Variants in SHISA6 observed in about 807,000 individuals in gnomAD.
The protein encoded by SHISA6 is protein shisa-6.
Under a neutral mutation model 47.9 loss-of-function variants are expected in SHISA6, and 22 were observed. The observed-to-expected ratio is 0.46, with a 90% confidence interval of 0.33 to 0.66. The LOEUF (loss-of-function observed/expected upper bound fraction) is 0.66. SHISA6 is among the 30% of genes least tolerant of loss of function. The probability of loss-of-function intolerance (pLI) is 0.02; values close to 1 mark genes in which losing one functional copy is unlikely to be tolerated. For missense variants in SHISA6, 680 were observed against 764.6 expected, an observed-to-expected ratio of 0.89 and a Z score of 1.30; for synonymous variants, 388 against 337.8, an observed-to-expected ratio of 1.15 and a Z score of -1.63.
At chr17:11,444,966 A>G (rs998083249) in intron 3 of SHISA6, among the ~76,000 whole-genome samples, 5 of 152,198 alleles carry the variant, frequency 3.3e-5, no homozygotes, top group South Asian at 2.1e-4. Context: ...TTATTGTACC[A>G]TGCAGATAAG....
chr17:11,364,485 T>A (rs760078786), intron 2 of SHISA6, among the ~76,000 whole-genome samples: 1 of 152,262 alleles, frequency 6.6e-6, no homozygotes, highest in Non-Finnish European at 1.5e-5. Context: ...TATTGTTACA[T>A]CTGTCACCAG....
chr17:11,371,857 GCAAATGCCTC>G (rs1417799503), intron 2 of SHISA6, among the ~76,000 whole-genome samples: 10 of 151,832 alleles, frequency 6.6e-5, no homozygotes, highest in Non-Finnish European at 1.5e-4. Flanking sequence ...AAAATCAAAG[GCAAATGCCTC>G]CCTCCCATCA....
chr17:11,269,319 C>G (rs549914157), intron 2 of SHISA6, among the ~76,000 whole-genome samples: 16 of 152,304 alleles, frequency 1.1e-4, no homozygotes, highest in African/African-American at 3.6e-4. Flanking sequence ...GGATTACAGG[C>G]GTGAACCACT....
At chr17:11,439,209 T>C (rs1372013316) in intron 3 of SHISA6, among the ~76,000 whole-genome samples, 1 of 152,122 alleles carries the variant, frequency 6.6e-6, no homozygotes, top group African/African-American at 2.4e-5. Context: ...CATTTGTGCA[T>C]TGGAGAAAAA....
At chr17:11,346,993 A>G (rs1911720496) in intron 2 of SHISA6, among the ~76,000 whole-genome samples, 1 of 152,236 alleles carries the variant, frequency 6.6e-6, no homozygotes, top group Admixed American at 6.5e-5. Context: ...TTATAGGCAC[A>G]GTATCATGTT....
intron 4 of SHISA6, among the ~76,000 whole-genome samples, chr17:11,553,406 G>A (rs1031557877): frequency 1.3e-5 from 2 of 152,168 alleles, no homozygotes; most frequent in Admixed American, 6.5e-5. Context: ...TCCTGAGAAG[G>A]AGCCAACACA....
At chr17:11,495,993 T>TCATCCATC (rs10642001) in intron 3 of SHISA6, among the ~76,000 whole-genome samples, 21,663 of 148,738 alleles carry the variant, frequency 0.15, 1,673 homozygotes, top group Middle Eastern at 0.16. Flanking sequence ...ATTTATCCAT[T>TCATCCATC]CATCCATCCA....
intron 3 of SHISA6, among the ~76,000 whole-genome samples, chr17:11,518,107 C>T (rs540852524): frequency 6.6e-6 from 1 of 152,202 alleles, no homozygotes; most frequent in South Asian, 2.1e-4. Context: ...GCAGAGGTGG[C>T]GTGGTGCCGT....
rs1341278161 is a variant in SHISA6, at chr17:11,241,713, C to T, written c.291C>T (p.Tyr97=). 6.5e-7 allele frequency: 1 copy of T among 1,539,688 alleles called. No individual in the cohort carries two copies. Among genetic ancestry groups the T allele is most frequent in the Non-Finnish European group, 8.7e-7 (1 of 1,146,716 alleles). The change falls in exon 1 of 6, where the codon TAC becomes TAT. Residue 97 remains tyrosine (Y), a synonymous_variant. Coordinates refer to ENST00000441885, the MANE Select transcript of SHISA6 (RefSeq NM_207386.4). This position sits in a 1 kb window ranked among gnomAD's most constrained non-coding sequence, Gnocchi z 5.5. ...TCACCTACGAGACGTGCTGGGGCTA[C>T]TACGACGTGAGCGGCCAGTACGACA... ...AAVTYETCWG[Y]YDVSGQYDKE...
intron 2 of SHISA6, among the ~76,000 whole-genome samples, chr17:11,271,389 G>T (rs1908648132): frequency 6.6e-6 from 1 of 152,084 alleles, no homozygotes; most frequent in Non-Finnish European, 1.5e-5. Flanking sequence ...GACAAACTCG[G>T]GATTCAACAT....
At chr17:11,504,007 C>T (rs529536387) in intron 3 of SHISA6, among the ~76,000 whole-genome samples, 1 of 152,102 alleles carries the variant, frequency 6.6e-6, no homozygotes, top group Non-Finnish European at 1.5e-5. Context: ...TGCCTTCTGG[C>T]GATTTTTAAA....
At chr17:11,381,773 C>T (rs760178777) in intron 3 of SHISA6, among the ~76,000 whole-genome samples, 2 of 152,198 alleles carry the variant, frequency 1.3e-5, no homozygotes, top group East Asian at 1.9e-4. Context: ...CCTGCCCATG[C>T]CTGTGGGGCT....
In SHISA6 at chr17:11,351,462, C is replaced by G. The variant is rs543996669; in HGVS notation, c.800-27952C>G. Among the ~76,000 whole-genome samples, 24 of 152,270 alleles carry G rather than the reference C, an allele frequency of 1.6e-4. No individual in the cohort carries two copies. The South Asian group carries it at 5.0e-3, about 32-fold the overall frequency. On this transcript the variant is annotated intron_variant, in intron 2 of 5. Transcript: ENST00000441885. ...TAATATCCAGTCATCAAAGTACCTACCTAGTAAAAATTCTACTCATCTTTC... is the reference window on the plus strand; with the variant it reads ...TAATATCCAGTCATCAAAGTACCTAGCTAGTAAAAATTCTACTCATCTTTC...
chr17:11,556,075 A>C (rs2071976509), intron 5 of SHISA6, among the ~76,000 whole-genome samples, 183 bp downstream of exon 5: 1 of 152,200 alleles, frequency 6.6e-6, no homozygotes, highest in South Asian at 2.1e-4. Context: ...GACTGAGCCC[A>C]TTCTTTCCAT....
At chr17:11,463,299 G>A (rs557754166) in intron 3 of SHISA6, among the ~76,000 whole-genome samples, 34 of 152,264 alleles carry the variant, frequency 2.2e-4, no homozygotes, top group South Asian at 8.3e-4. Flanking sequence ...TATAGCCAGC[G>A]CTCAATAAAT....
At chr17:11,252,712 A>G (rs1341192903) in intron 1 of SHISA6, among the ~76,000 whole-genome samples, 1 of 152,192 alleles carries the variant, frequency 6.6e-6, no homozygotes, top group Non-Finnish European at 1.5e-5. Flanking sequence ...TTCTGACCTT[A>G]GTCACTGCTG....
At chr17:11,541,969 A>G (rs1326737618) in intron 3 of SHISA6, among the ~76,000 whole-genome samples, 2 of 152,172 alleles carry the variant, frequency 1.3e-5, no homozygotes, top group African/African-American at 4.8e-5. Context: ...TTATAAAAAC[A>G]GCCATTTCAG....
chr17:11,300,577 G>T (rs142876686), intron 2 of SHISA6, among the ~76,000 whole-genome samples: 15 of 152,240 alleles, frequency 9.9e-5, no homozygotes, highest in African/African-American at 3.4e-4. Flanking sequence ...CGTGGCACCA[G>T]TGAGCTTTTA....
intron 3 of SHISA6, among the ~76,000 whole-genome samples, chr17:11,443,751 A>C (rs1261304864): frequency 6.6e-6 from 1 of 152,202 alleles, no homozygotes; most frequent in African/African-American, 2.4e-5. Flanking sequence ...AGTGGTATTA[A>C]GATTATTAAA....
Sources: gnomAD v4.1 joint callset for allele counts (sites outside exome capture counted in the v4.1 genomes callset) on GRCh38, gnomAD v4.1.1 for gene constraint, Gnocchi (gnomAD v3.1) non-coding constraint, MANE v1.5 for transcripts, NCBI Gene and HGNC (gene_info 2026-07-23, HGNC 2026-07-21) for gene names.